Variants in HTT observed in about 807,000 individuals in gnomAD.
HTT encodes huntington disease protein.
In HTT, 104 loss-of-function variants were observed where a neutral mutation model predicts 362.3. That is an observed-to-expected ratio of 0.29 (90% CI 0.24 to 0.34). The LOEUF (loss-of-function observed/expected upper bound fraction) is 0.34. HTT is among the 10% of genes least tolerant of loss of function. The pLI is 1.00. For missense variants in HTT, 3,301 were observed against 3,928.6 expected (o/e 0.84, Z 4.27); for synonymous variants, 1,577 against 1,548.7 (o/e 1.02, Z -0.43).
chr4:3,106,421 T>C (rs914048036), intron 5 of HTT, among the ~76,000 whole-genome samples: 6 of 152,174 alleles, frequency 3.9e-5, no homozygotes, highest in Non-Finnish European at 8.8e-5. Flanking sequence ...GAAATTTCCT[T>C]TTGTATAATC....
intron 33 of HTT, among the ~76,000 whole-genome samples, 183 bp from the exon 34 acceptor site, chr4:3,177,149 G>A (rs945908186): frequency 1.3e-5 from 2 of 152,152 alleles, no homozygotes; most frequent in South Asian, 4.1e-4. Flanking sequence ...GTTGTTGAGG[G>A]GATTCCTGGA....
chr4:3,117,748 A>T (rs1447333920), intron 8 of HTT, among the ~76,000 whole-genome samples: 2 of 152,126 alleles, frequency 1.3e-5, no homozygotes, highest in Non-Finnish European at 2.9e-5. Context: ...TGGGAGGGTC[A>T]CATGAGCCTG....
intron 2 of HTT, among the ~76,000 whole-genome samples, chr4:3,087,764 C>T (rs753878498): frequency 1.3e-5 from 2 of 152,138 alleles, no homozygotes; most frequent in Non-Finnish European, 2.9e-5. Context: ...CTGGTAGAAG[C>T]TAGAAAAAGC....
At chr4:3,230,084 G>A (rs989393306) in intron 60 of HTT, 42 bp downstream of exon 60, 17 of 1,575,154 alleles carry the variant, frequency 1.1e-5, no homozygotes, top group South Asian at 3.3e-5. Flanking sequence ...CTGAAGCCAC[G>A]GGGGCCCATC....
At chr4:3,178,239 T>A (rs2110237918) in intron 34 of HTT, 59 bp from the exon 35 acceptor site, 1 of 1,242,042 alleles carries the variant, frequency 8.1e-7, no homozygotes, top group South Asian at 1.3e-5. Flanking sequence ...TTATGTTGCT[T>A]ATATTGATAT....
Position 3,180,504 on chromosome 4 carries a change from T to G in HTT, c.4613-11T>G. 1.3e-6 allele frequency: 2 copies of G among 1,581,008 alleles called. No homozygotes were observed. The highest frequency in any genetic ancestry group is 1.7e-6 in the Non-Finnish European group (2 of 1,165,242). Reference sequence around the variant, plus strand: ...GAAATGCCTGATAAGGGTACCCTTTTGTCCCCACAGCCATACCGGCTCTGC... The same window carrying G: ...GAAATGCCTGATAAGGGTACCCTTTGGTCCCCACAGCCATACCGGCTCTGC... On this transcript the variant is annotated splice_polypyrimidine_tract_variant and intron_variant, in intron 35 of 66. Coordinates refer to ENST00000355072, the MANE Select transcript of HTT (RefSeq NM_001388492.1).
chr4:3,214,193 G>A, intron 50 of HTT, 58 bp downstream of exon 50: 1 of 1,306,538 alleles, frequency 7.7e-7, no homozygotes, highest in Non-Finnish European at 1.0e-6. Flanking sequence ...GCTTCACCAT[G>A]TTTTTATTTT....
chr4:3,103,282 T>G (rs1334078773), intron 3 of HTT, among the ~76,000 whole-genome samples: 1 of 139,200 alleles, frequency 7.2e-6, no homozygotes, highest in East Asian at 2.1e-4. Flanking sequence ...TGGAGTGCAA[T>G]GGCGTGATCT....
chr4:3,178,199 C>T, intron 34 of HTT, 99 bp from the exon 35 acceptor site: 1 of 917,014 alleles, frequency 1.1e-6, no homozygotes, highest in East Asian at 2.5e-5. Flanking sequence ...TTGATGTGTG[C>T]TTGCTGTCAA....
rs1201284585 is a variant in HTT, at chr4:3,132,594, A to G, written c.2269A>G (p.Ile757Val). 3.1e-6 allele frequency: 5 copies of G among 1,613,972 alleles called. No homozygotes were observed. The African/African-American group carries it at 4.0e-5, about 13-fold the overall frequency. Residue 757 changes from isoleucine to valine, a missense_variant, in exon 17 of 67, where the codon ATC becomes GTC. Transcript: ENST00000355072. Reference sequence around the variant, plus strand: ...GTATGTCTCAGACATCTTGAACTACATCGATCATGGAGACCCACAGGTTCG... The same window carrying G: ...GTATGTCTCAGACATCTTGAACTACGTCGATCATGGAGACCCACAGGTTCG... ...EQYVSDILNY[I>V]DHGDPQVRGA...
chr4:3,217,015 A>G (rs1182910746), intron 51 of HTT, among the ~76,000 whole-genome samples: 1 of 148,404 alleles, frequency 6.7e-6, no homozygotes, highest in African/African-American at 2.5e-5. Flanking sequence ...ACAGAGCAAG[A>G]CTCCGTCTCA....
intron 10 of HTT, chr4:3,123,206 C>T (rs1297655019): frequency 1.2e-5 from 4 of 328,420 alleles, no homozygotes; most frequent in Non-Finnish European, 2.2e-5. Flanking sequence ...TCGGGGTCAG[C>T]AGACTTTTTT....
At chr4:3,134,632 C>T (rs911810201) in intron 19 of HTT, 92 bp downstream of exon 19, 4 of 1,156,772 alleles carry the variant, frequency 3.5e-6, no homozygotes, top group African/African-American at 3.1e-5. Flanking sequence ...ATCAAGTACC[C>T]TGTCCATCAG....
At chr4:3,234,839 C>A (rs1721443755) in intron 61 of HTT, among the ~76,000 whole-genome samples, 1 of 152,224 alleles carries the variant, frequency 6.6e-6, no homozygotes, top group Admixed American at 6.5e-5. Flanking sequence ...CTACCAGGTC[C>A]TCACTGTGCC....
rs199752551 is a variant in HTT at position 3,178,478 on chromosome 4, G to C, written c.4612+32G>C. 1.7e-5 allele frequency: 28 copies of C among 1,606,614 alleles called. No homozygotes were observed. In the African/African-American group the frequency reaches 2.4e-4, roughly 14 times the overall value. Reference sequence around the variant, plus strand: ...GGACACACCTTTCACTGTCGTCTTCGGTGTCGTGATGTGCTTGGCAGTGTT... The same window carrying C: ...GGACACACCTTTCACTGTCGTCTTCCGTGTCGTGATGTGCTTGGCAGTGTT... On this transcript the variant is annotated intron_variant, in intron 35 of 66. Transcript: ENST00000355072.
chr4:3,220,435 C>G (rs760227650), intron 53 of HTT, 127 bp downstream of exon 53: 19 of 958,160 alleles, frequency 2.0e-5, no homozygotes, highest in Non-Finnish European at 2.8e-5. Context: ...ATAATACAAA[C>G]CTATGTGAAT....
At chr4:3,085,094 G>A (rs1478374648) in intron 1 of HTT, among the ~76,000 whole-genome samples, 1 of 151,902 alleles carries the variant, frequency 6.6e-6, no homozygotes, top group African/African-American at 2.4e-5. Context: ...GTGTGCCCGT[G>A]CAGATTGCTT....
intron 26 of HTT, among the ~76,000 whole-genome samples, chr4:3,152,687 C>T (rs985748836): frequency 6.6e-6 from 1 of 151,964 alleles, no homozygotes; most frequent in Admixed American, 6.6e-5. Context: ...TTCAGTGTAG[C>T]AGCCTCTCTG....
At chr4:3,197,778 G>A (rs1323809738) in intron 40 of HTT, among the ~76,000 whole-genome samples, 1 of 152,192 alleles carries the variant, frequency 6.6e-6, no homozygotes. Context: ...CAGAGCCTGT[G>A]TTGACACTCA....
Sources: gnomAD v4.1 joint callset for allele counts (sites outside exome capture counted in the v4.1 genomes callset) on GRCh38, gnomAD v4.1.1 for gene constraint, MANE v1.5 for transcripts, NCBI Gene and HGNC (gene_info 2026-07-23, HGNC 2026-07-21) for gene names.